Variants in MCPH1 observed in about 807,000 individuals in gnomAD.
MCPH1 encodes microcephalin 1.
Under a neutral mutation model 84.5 loss-of-function variants are expected in MCPH1, and 104 were observed. The ratio of observed to expected loss-of-function variants is 1.23; its 90% CI spans 1.05 to 1.45. The LOEUF is 1.45. Ranked by LOEUF, MCPH1 falls within the 40% of genes most tolerant of loss-of-function variation. MCPH1 has a pLI of 0.00. For synonymous variants in MCPH1, 514 were observed against 366.8 expected (o/e 1.40, Z -4.58); for missense variants, 1,498 against 1,005.7 (o/e 1.49, Z -6.62).
At chr8:6,622,454 A>G (rs1042435352) in intron 13 of MCPH1, among the ~76,000 whole-genome samples, 1 of 152,182 alleles carries the variant, frequency 6.6e-6, no homozygotes, top group African/African-American at 2.4e-5. Flanking sequence ...GCTAGAAATT[A>G]CCTGCCCTGT....
chr8:6,452,360 C>G (rs1432844008), intron 8 of MCPH1, among the ~76,000 whole-genome samples: 1 of 152,108 alleles, frequency 6.6e-6, no homozygotes, highest in Non-Finnish European at 1.5e-5. Context: ...AACTAATTTC[C>G]AAATGGTGAA....
At chr8:6,427,590 C>G (rs992638838) in intron 3 of MCPH1, among the ~76,000 whole-genome samples, 3 of 151,910 alleles carry the variant, frequency 2.0e-5, no homozygotes, top group Non-Finnish European at 4.4e-5. Flanking sequence ...ACGTTGCCCC[C>G]ACTAGTCTCC....
At position 6,444,639 on chromosome 8, in the gene MCPH1, T is replaced by G; in HGVS notation, c.917T>G (p.Ile306Ser). ...SKEEINLQRN[I>S]AGKVVTPDQK... ...GAAGAAATAAACTTGCAAAGAAATA[T>G]TGCAGGTAAAGTAGTCACCCCTGAC... The change falls in exon 8 of 14, where the codon ATT (isoleucine) becomes AGT (serine). Residue 306 changes from isoleucine to serine, a missense_variant. Coordinates refer to ENST00000344683, the MANE Select transcript of MCPH1 (RefSeq NM_024596.5). 1 of 1,614,110 alleles carries G rather than the reference T, an allele frequency of 6.2e-7. No individual in the cohort carries two copies. Among genetic ancestry groups the G allele is most frequent in the Non-Finnish European group, 8.5e-7 (1 of 1,180,038 alleles).
intron 9 of MCPH1, among the ~76,000 whole-genome samples, chr8:6,456,552 C>T (rs1333504887): frequency 2.0e-5 from 3 of 152,154 alleles, no homozygotes; most frequent in African/African-American, 7.2e-5. Context: ...CAGCTCTGTT[C>T]TGTGCCCTCC....
chr8:6,475,011 A>C (rs1366221934), intron 9 of MCPH1, among the ~76,000 whole-genome samples: 1 of 152,206 alleles, frequency 6.6e-6, no homozygotes, highest in Non-Finnish European at 1.5e-5. Flanking sequence ...TGTTGAAAGT[A>C]TTATTGGAAG....
At chr8:6,441,099 C>T (rs972315856) in intron 6 of MCPH1, among the ~76,000 whole-genome samples, 16 of 152,054 alleles carry the variant, frequency 1.1e-4, no homozygotes, top group Non-Finnish European at 1.8e-4. Context: ...ATATGGCCAC[C>T]CCTTTTGCAA....
chr8:6,583,798 T>G (rs970022674), intron 12 of MCPH1, among the ~76,000 whole-genome samples: 1 of 149,554 alleles, frequency 6.7e-6, no homozygotes, highest in African/African-American at 2.4e-5. Context: ...GAATAGAGCC[T>G]CATGGTCTCG....
rs754883223 is a variant in MCPH1, at chr8:6,444,914, G to T, written c.1192G>T (p.Ala398Ser). The change falls in exon 8 of 14, where the codon GCG becomes TCG. Residue 398 changes from alanine (A) to serine (S), a missense_variant. Ala to Ser is a moderately conservative substitution (Grantham distance 99, BLOSUM62 1). Transcript: ENST00000344683. Reference protein sequence around the residue: ...CRSEDRLQHVAGPALEALSCG... With the variant: ...CRSEDRLQHVSGPALEALSCG... ...GTCGGAAGACAGGCTGCAGCACGTG[G>T]CGGGACCTGCCCTGGAGGCTCTTAG... 3.7e-6 allele frequency: 6 copies of T among 1,614,042 alleles called. No individual in the cohort carries two copies. The highest frequency in any genetic ancestry group is 2.2e-5 in the South Asian group (2 of 91,086).
chr8:6,493,961 G>C (rs1230116941), intron 11 of MCPH1, among the ~76,000 whole-genome samples: 1 of 150,482 alleles, frequency 6.6e-6, no homozygotes, highest in Non-Finnish European at 1.5e-5. Context: ...TTTTCTTTGA[G>C]ACAGAGTTTC....
At chr8:6,472,152 A>C (rs2129558666) in intron 9 of MCPH1, among the ~76,000 whole-genome samples, 1 of 152,324 alleles carries the variant, frequency 6.6e-6, no homozygotes, top group East Asian at 1.9e-4. Flanking sequence ...TTACAGAAAA[A>C]ATCTTCAGAT....
At chr8:6,640,741 G>C (rs559576755) in intron 13 of MCPH1, among the ~76,000 whole-genome samples, 11 of 152,206 alleles carry the variant, frequency 7.2e-5, no homozygotes, top group South Asian at 6.2e-4. Context: ...GTTTTGCTTA[G>C]AAAGGCCTTC....
At chr8:6,529,623 A>ATTTTTT (rs35322987) in intron 12 of MCPH1, among the ~76,000 whole-genome samples, 2 of 120,974 alleles carry the variant, frequency 1.7e-5, no homozygotes, top group Non-Finnish European at 3.4e-5. Flanking sequence ...CGCCTGGCTA[A>ATTTTTT]TTTTTTTTTT....
rs1295891584 is a variant in MCPH1 at position 6,418,591 on chromosome 8, A to AT, written c.233+3718dup. On this transcript the variant is annotated intron_variant, in intron 3 of 13. Transcript: ENST00000344683. ...CCTTAGGGATATTTTTTATTTTATC[A>AT]TTTTTTTTTTGAGACGGAGTCTCGC... 4.3e-3 allele frequency among the ~76,000 whole-genome samples: 634 copies of AT among 149,048 alleles called. 4 individuals are homozygous for AT. Among genetic ancestry groups the AT allele is most frequent in the African/African-American group, 0.014 (568 of 40,734 alleles).
Position 6,643,112 on chromosome 8 carries a change from A to G in MCPH1, c.*63A>G. The G allele has an allele frequency of 7.2e-7, 1 of 1,388,406 alleles. No homozygotes were observed. The allele number at this position is 1,388,406 out of a possible 1,614,324, so 86.0% of individuals were successfully genotyped here. On this transcript the variant is annotated 3_prime_UTR_variant, in exon 14 of 14. Transcript: ENST00000344683. ...CGCAAAACTGTCTTTGGATGTTCAA[A>G]TGAGAAACAAAACTGTGAAGAGAAG... is the stretch of plus-strand genomic sequence containing the variant.
At chr8:6,641,506 C>A (rs116358730) in intron 13 of MCPH1, among the ~76,000 whole-genome samples, 380 of 152,310 alleles carry the variant, frequency 2.5e-3, no homozygotes, top group African/African-American at 8.6e-3. Context: ...TTTTGGAAGA[C>A]TGAGGCACAG....
intron 11 of MCPH1, among the ~76,000 whole-genome samples, chr8:6,481,827 AT>A (rs1200142050): frequency 6.6e-6 from 1 of 152,208 alleles, no homozygotes; most frequent in East Asian, 1.9e-4. Flanking sequence ...CTTTATGTTT[AT>A]TTGGATGAAA....
chr8:6,636,360 G>T (rs2959795), intron 13 of MCPH1, among the ~76,000 whole-genome samples: 19,906 of 150,062 alleles, frequency 0.13, 2,234 homozygotes, highest in East Asian at 0.4. Context: ...AAAAGTCACA[G>T]TCAGGAATGA....
At chr8:6,543,590 G>A (rs527916088) in intron 12 of MCPH1, among the ~76,000 whole-genome samples, 1 of 152,338 alleles carries the variant, frequency 6.6e-6, no homozygotes, top group East Asian at 1.9e-4. Context: ...TTTCAGAAAA[G>A]AAATGTGTTC....
chr8:6,513,895 A>G (rs1251555837), intron 12 of MCPH1: 1 of 1,524,390 alleles, frequency 6.6e-7, no homozygotes, highest in Non-Finnish European at 8.9e-7. Flanking sequence ...TTTTCTTTGT[A>G]TATTTGAAGT....
Sources: allele counts gnomAD v4.1 joint callset (sites outside exome capture counted in the v4.1 genomes callset), GRCh38; gene constraint gnomAD v4.1.1; transcripts MANE v1.5; gene names NCBI Gene and HGNC (gene_info 2026-07-23, HGNC 2026-07-21).